The following EXOC6B variants were observed in gnomAD, a reference collection of about 807,000 sequenced individuals.
EXOC6B encodes exocyst complex component 6B.
In EXOC6B, 54 loss-of-function variants were observed where a neutral mutation model predicts 113.5. The ratio of observed to expected loss-of-function variants is 0.48; its 90% CI spans 0.38 to 0.60. The LOEUF is 0.60. Ranked by LOEUF, EXOC6B falls within the 20% of genes least tolerant of loss-of-function variation. The pLI is 0.00. For synonymous variants in EXOC6B, 357 were observed against 339.0 expected (o/e 1.05, Z -0.58); for missense variants, 797 against 977.5 (o/e 0.82, Z 2.46).
intron 1 of EXOC6B, among the ~76,000 whole-genome samples, chr2:72,810,399 T>C (rs6734583): frequency 7.9e-5 from 12 of 151,156 alleles, no homozygotes; most frequent in African/African-American, 2.9e-4. Flanking sequence ...TACAGTGAAG[T>C]GTATGAAAAT....
At chr2:72,798,866 C>T (rs1342108245) in intron 1 of EXOC6B, among the ~76,000 whole-genome samples, 1 of 151,950 alleles carries the variant, frequency 6.6e-6, no homozygotes, top group African/African-American at 2.4e-5. Context: ...AATAAAAACC[C>T]TGATGGTAAT....
At chr2:72,669,536 A>G (rs758742343) in intron 6 of EXOC6B, among the ~76,000 whole-genome samples, 14 of 152,216 alleles carry the variant, frequency 9.2e-5, no homozygotes, top group Admixed American at 3.3e-4. Flanking sequence ...ATGTACATCT[A>G]TACAATTACA....
At chr2:72,589,454 A>G (rs964114736) in intron 6 of EXOC6B, among the ~76,000 whole-genome samples, 1 of 152,052 alleles carries the variant, frequency 6.6e-6, no homozygotes, top group Non-Finnish European at 1.5e-5. Context: ...TGAATTTCTG[A>G]AACATTATCA....
chr2:72,413,748 C>T (rs1007639675), intron 18 of EXOC6B, among the ~76,000 whole-genome samples: 1 of 151,892 alleles, frequency 6.6e-6, no homozygotes, highest in Admixed American at 6.6e-5. Context: ...AGGTTGGTCT[C>T]GAACTCCTGG....
intron 19 of EXOC6B, among the ~76,000 whole-genome samples, chr2:72,355,185 G>A (rs1199557134): frequency 2.0e-5 from 3 of 152,152 alleles, no homozygotes; most frequent in Non-Finnish European, 2.9e-5. Context: ...CACAGAGAAT[G>A]AATGAGCTAT....
chr2:72,603,757 C>G (rs1670580807), intron 6 of EXOC6B, among the ~76,000 whole-genome samples: 1 of 152,128 alleles, frequency 6.6e-6, no homozygotes, highest in Admixed American at 6.5e-5. Flanking sequence ...GCAATGCTGA[C>G]TACTTCTCCC....
At chr2:72,551,145 A>G (rs182069411) in intron 8 of EXOC6B, among the ~76,000 whole-genome samples, 1 of 152,208 alleles carries the variant, frequency 6.6e-6, no homozygotes, top group East Asian at 1.9e-4. Flanking sequence ...TGTGTGATTA[A>G]ATTATTTCAA....
chr2:72,304,492 A>T (rs762192670), intron 20 of EXOC6B, among the ~76,000 whole-genome samples: 16 of 151,734 alleles, frequency 1.1e-4, no homozygotes, highest in Non-Finnish European at 1.9e-4. Flanking sequence ...CATGGATTAA[A>T]TTTTTTTTTA....
chr2:72,770,811 C>T (rs1239723569), intron 1 of EXOC6B, among the ~76,000 whole-genome samples: 1 of 151,958 alleles, frequency 6.6e-6, no homozygotes, highest in Non-Finnish European at 1.5e-5. Flanking sequence ...GTAAATATTA[C>T]CTTCAGAGAG....
At chr2:72,258,318 T>C (rs1413027154) in intron 20 of EXOC6B, among the ~76,000 whole-genome samples, 2 of 151,908 alleles carry the variant, frequency 1.3e-5, no homozygotes, top group East Asian at 3.9e-4. Context: ...CAACATGGAA[T>C]AGATGCTCTA....
At chr2:72,350,935 C>T (rs2104941915) in intron 19 of EXOC6B, among the ~76,000 whole-genome samples, 1 of 152,212 alleles carries the variant, frequency 6.6e-6, no homozygotes, top group Admixed American at 6.5e-5. Context: ...TAAAATGTTC[C>T]TTGTTGAAAA....
chr2:72,666,142 C>T (rs1675371985), intron 6 of EXOC6B, among the ~76,000 whole-genome samples: 1 of 152,094 alleles, frequency 6.6e-6, no homozygotes, highest in Non-Finnish European at 1.5e-5. Flanking sequence ...ACTTAACTAT[C>T]CTAAATATAT....
At chr2:72,649,730 C>T (rs1674020880) in intron 6 of EXOC6B, among the ~76,000 whole-genome samples, 1 of 152,106 alleles carries the variant, frequency 6.6e-6, no homozygotes, top group Non-Finnish European at 1.5e-5. Context: ...ACACATAATT[C>T]AATGGAACAG....
chr2:72,663,065 C>T (rs911927724), intron 6 of EXOC6B, among the ~76,000 whole-genome samples: 1 of 152,096 alleles, frequency 6.6e-6, no homozygotes, highest in South Asian at 2.1e-4. Context: ...TAAGACCCAG[C>T]GATCTCATTC....
At chr2:72,401,601 ATG>A (rs1236320220) in intron 18 of EXOC6B, among the ~76,000 whole-genome samples, 4 of 27,978 alleles carry the variant, frequency 1.4e-4, no homozygotes, top group East Asian at 6.4e-4. Flanking sequence ...ATATATATAT[ATG>A]TGTATATATA....
At chr2:72,662,106 G>C (rs1675063249) in intron 6 of EXOC6B, among the ~76,000 whole-genome samples, 1 of 108,704 alleles carries the variant, frequency 9.2e-6, no homozygotes. Flanking sequence ...GAGGGAAGGA[G>C]AGAAGGGGGG....
At chr2:72,354,786 A>T (rs1689875618) in intron 19 of EXOC6B, among the ~76,000 whole-genome samples, 1 of 152,256 alleles carries the variant, frequency 6.6e-6, no homozygotes. Flanking sequence ...TAAGAAAGGC[A>T]TATCATAAAA....
Position 72,480,718 on chromosome 2 carries a change from C to A in EXOC6B, c.1698G>T (p.Leu566Phe), listed in dbSNP as rs1458630631. 6.3e-7 allele frequency: 1 copy of A among 1,599,114 alleles called. No homozygotes were observed. The change falls in exon 17 of 22, where the codon TTG (leucine) becomes TTT (phenylalanine). Residue 566 changes from leucine (L) to phenylalanine (F), a missense_variant. By Grantham distance (22) the Leu-to-Phe change is conservative (BLOSUM62 0). Coordinates refer to ENST00000272427, the MANE Select transcript of EXOC6B (RefSeq NM_015189.3). ...CTTCCAAGTACTTACAGGATTTCTC[C>A]AAATGTGTTGTATTGATAATAATCT... ...LVQIIINTTH[L>F]EKSCKYLEEF...
At chr2:72,183,396 T>C (rs189067252) in intron 21 of EXOC6B, among the ~76,000 whole-genome samples, 1 of 152,254 alleles carries the variant, frequency 6.6e-6, no homozygotes, top group East Asian at 1.9e-4. Context: ...GGGTGACATA[T>C]TTGTTAGCCC....
Sources: allele counts gnomAD v4.1 joint callset (sites outside exome capture counted in the v4.1 genomes callset), GRCh38; gene constraint gnomAD v4.1.1; transcripts MANE v1.5; gene names NCBI Gene and HGNC (gene_info 2026-07-23, HGNC 2026-07-21).